Variants in NME7 observed in about 807,000 individuals in gnomAD.
The protein encoded by NME7 is nucleoside diphosphate kinase 7.
Under a neutral mutation model 49.1 loss-of-function variants are expected in NME7, and 41 were observed. That is an observed-to-expected ratio of 0.83 (90% confidence interval 0.65 to 1.08). The LOEUF (loss-of-function observed/expected upper bound fraction) is 1.08, where lower values mean the gene tolerates loss of function less well. Among genes scored for constraint, NME7 ranks in the 50% least tolerant of loss-of-function variants. The pLI, the probability that NME7 is intolerant of heterozygous loss-of-function variation, is 0.00. For missense variants in NME7, 423 were observed against 463.4 expected (o/e 0.91, Z 0.80); for synonymous variants, 139 against 150.6 (o/e 0.92, Z 0.56).
chr1:169,347,994 T>C (rs1193055344), intron 1 of NME7, among the ~76,000 whole-genome samples: 4 of 152,198 alleles, frequency 2.6e-5, no homozygotes, highest in African/African-American at 9.6e-5. Flanking sequence ...ACTACTATTC[T>C]GCATTAGCTA....
chr1:169,155,722 T>A (rs180821759), intron 11 of NME7, among the ~76,000 whole-genome samples: 31 of 152,098 alleles, frequency 2.0e-4, no homozygotes, highest in Admixed American at 7.9e-4. Context: ...AAAAACTTTA[T>A]CATTGTGTCT....
chr1:169,226,624 C>A (rs1448023987), intron 10 of NME7, among the ~76,000 whole-genome samples: 1 of 152,172 alleles, frequency 6.6e-6, no homozygotes, highest in Non-Finnish European at 1.5e-5. Context: ...GAGTCTGAGA[C>A]ACAAGATAAT....
At chr1:169,349,081 T>C (rs1338665254) in intron 1 of NME7, among the ~76,000 whole-genome samples, 2 of 152,164 alleles carry the variant, frequency 1.3e-5, no homozygotes, top group African/African-American at 4.8e-5. Context: ...AAGTGATAGA[T>C]ATTAACTATT....
chr1:169,311,138 G>A (rs1225837730), intron 3 of NME7, among the ~76,000 whole-genome samples: 6 of 151,994 alleles, frequency 3.9e-5, no homozygotes, highest in Admixed American at 3.9e-4. Context: ...AAATATCCTG[G>A]CCGGGCGCGG....
intron 7 of NME7, among the ~76,000 whole-genome samples, chr1:169,250,940 T>A (rs1648545606): frequency 6.6e-6 from 1 of 152,164 alleles, no homozygotes; most frequent in South Asian, 2.1e-4. Flanking sequence ...TAAAAGAATG[T>A]ACAATCTGCA....
chr1:169,335,689 A>C (rs1206187511), intron 1 of NME7, among the ~76,000 whole-genome samples: 1 of 147,318 alleles, frequency 6.8e-6, no homozygotes, highest in Non-Finnish European at 1.5e-5. Flanking sequence ...AATATATATA[A>C]TATATATGTT....
chr1:169,347,508 G>A (rs1486536919), intron 1 of NME7, among the ~76,000 whole-genome samples: 1 of 152,124 alleles, frequency 6.6e-6, no homozygotes, highest in Non-Finnish European at 1.5e-5. Flanking sequence ...GGCATCCTGT[G>A]GCATCTGTCC....
At chr1:169,237,601 T>G in intron 8 of NME7, 22 bp downstream of exon 8, 1 of 1,565,288 alleles carries the variant, frequency 6.4e-7, no homozygotes, top group African/African-American at 1.4e-5. Flanking sequence ...ACAAATATTA[T>G]GGTTCATTGT....
chr1:169,133,361 T>C (rs1186365864), intron 11 of NME7, among the ~76,000 whole-genome samples: 1 of 152,196 alleles, frequency 6.6e-6, no homozygotes, highest in Non-Finnish European at 1.5e-5. Context: ...ACGGAAACCT[T>C]TCGCAAAGCC....
At chr1:169,200,136 T>C (rs571759639) in intron 10 of NME7, among the ~76,000 whole-genome samples, 2 of 137,016 alleles carry the variant, frequency 1.5e-5, no homozygotes, top group East Asian at 4.2e-4. Flanking sequence ...TCTGGACTGG[T>C]GGGGGTGGGG....
intron 7 of NME7, chr1:169,247,133 G>C (rs1003242788): frequency 2.9e-5 from 13 of 454,552 alleles, no homozygotes; most frequent in Non-Finnish European, 5.7e-5. Context: ...TAAGATCACA[G>C]TTTTAAAACA....
chr1:169,336,304 G>GA (rs1237486307), intron 1 of NME7, among the ~76,000 whole-genome samples: 1 of 151,546 alleles, frequency 6.6e-6, no homozygotes, highest in Non-Finnish European at 1.5e-5. Context: ...TGCAAAGAGC[G>GA]AAAGAACAAA....
chr1:169,350,289 A>AAGGAGC (rs1343344770), intron 1 of NME7, among the ~76,000 whole-genome samples: 1 of 20,634 alleles, frequency 4.8e-5, no homozygotes, highest in African/African-American at 1.7e-4. Context: ...AAGGAAGGAA[A>AAGGAGC]GAGCCCTGCT....
At chr1:169,197,440 T>A (rs1037094641) in intron 10 of NME7, among the ~76,000 whole-genome samples, 4 of 152,066 alleles carry the variant, frequency 2.6e-5, no homozygotes, top group African/African-American at 9.7e-5. Context: ...GATGTCAACA[T>A]TCTCTAGGAG....
At chr1:169,236,099 T>C (rs1035043461) in intron 8 of NME7, among the ~76,000 whole-genome samples, 6 of 152,206 alleles carry the variant, frequency 3.9e-5, no homozygotes, top group Admixed American at 2.0e-4. Context: ...ATTACTACCA[T>C]AGGGAGGAAA....
At chr1:169,310,403 C>A (rs1252376700) in intron 3 of NME7, among the ~76,000 whole-genome samples, 2 of 152,060 alleles carry the variant, frequency 1.3e-5, no homozygotes, top group Non-Finnish European at 2.9e-5. Context: ...ACATTTTATA[C>A]AAAGGACTAA....
intron 3 of NME7, among the ~76,000 whole-genome samples, chr1:169,316,167 T>C (rs1235188535): frequency 6.6e-6 from 1 of 151,984 alleles, no homozygotes; most frequent in Non-Finnish European, 1.5e-5. Flanking sequence ...TAAGCAAATG[T>C]TGTTTCTATC....
intron 7 of NME7, among the ~76,000 whole-genome samples, chr1:169,243,409 T>C (rs1648173636): frequency 6.6e-6 from 1 of 152,192 alleles, no homozygotes; most frequent in African/African-American, 2.4e-5. Context: ...AACAGCTAGT[T>C]TTTTCTCATC....
At chr1:169,157,697 T>G (rs1659119142) in intron 11 of NME7, among the ~76,000 whole-genome samples, 1 of 152,212 alleles carries the variant, frequency 6.6e-6, no homozygotes, top group African/African-American at 2.4e-5. Context: ...TAAATCCATC[T>G]AGAGAGGCTA....
Sources: allele counts gnomAD v4.1 joint callset (sites outside exome capture counted in the v4.1 genomes callset), GRCh38; gene constraint gnomAD v4.1.1; transcripts MANE v1.5; gene names NCBI Gene and HGNC (gene_info 2026-07-23, HGNC 2026-07-21).